DHRSX: variants seen among roughly 807,000 people sequenced by gnomAD.
DHRSX encodes polyprenol dehydrogenase.
Under a neutral mutation model 34.0 loss-of-function variants are expected in DHRSX, and 31 were observed. The ratio of observed to expected loss-of-function variants is 0.91; its 90% CI spans 0.69 to 1.23. The LOEUF (loss-of-function observed/expected upper bound fraction) is 1.23, where lower values mean the gene tolerates loss of function less well. Ranked by LOEUF, DHRSX falls within the 50% of genes most tolerant of loss-of-function variation. The pLI, the probability that DHRSX is intolerant of heterozygous loss-of-function variation, is 0.00. For missense variants in DHRSX, 414 were observed against 428.1 expected (o/e 0.97, Z 0.29); for synonymous variants, 201 against 183.8 (o/e 1.09, Z -0.76).
At chrX:2,325,247 C>A (rs1350755742) in intron 3 of DHRSX, among the ~76,000 whole-genome samples, 1 of 147,962 alleles carries the variant, frequency 6.8e-6, no homozygotes, top group Non-Finnish European at 1.5e-5. Flanking sequence ...GAGGAACTAA[C>A]GACTAGACAC....
chrX:2,339,922 T>C (rs1184232899), intron 3 of DHRSX, among the ~76,000 whole-genome samples: 1 of 152,160 alleles, frequency 6.6e-6, no homozygotes, highest in Non-Finnish European at 1.5e-5. Context: ...TTTCTGGTTC[T>C]AGATCCTTGA....
rs776284159 is a variant in DHRSX, at chrX:2,268,277, T to C, written c.389-1330A>G. Among the ~76,000 whole-genome samples, 3 of 152,340 alleles carry C rather than the reference T, an allele frequency of 2.0e-5. No homozygotes were observed. In the East Asian group the frequency reaches 5.8e-4, roughly 29 times the overall value. ...GAAACACGCACGAACCATACTGCCTTGTACTTAGAGCAGACCAGTTTGCTT... is the reference window on the plus strand; with the variant it reads ...GAAACACGCACGAACCATACTGCCTCGTACTTAGAGCAGACCAGTTTGCTT... On this transcript the variant is annotated intron_variant, in intron 4 of 6. Transcript: ENST00000334651.
chrX:2,314,004 T>G (rs1226820295), intron 3 of DHRSX, among the ~76,000 whole-genome samples: 1 of 151,672 alleles, frequency 6.6e-6, no homozygotes, highest in Admixed American at 6.6e-5. Flanking sequence ...AATGTCCAGG[T>G]GGAGATAAAG....
At chrX:2,359,850 CA>C (rs1312041533) in intron 3 of DHRSX, among the ~76,000 whole-genome samples, 1 of 152,026 alleles carries the variant, frequency 6.6e-6, no homozygotes, top group Non-Finnish European at 1.5e-5. Flanking sequence ...TACATGTTCT[CA>C]CTTATAAGTG....
At chrX:2,288,974 G>A (rs1467054078) in intron 4 of DHRSX, among the ~76,000 whole-genome samples, 1 of 152,220 alleles carries the variant, frequency 6.6e-6, no homozygotes, top group African/African-American at 2.4e-5. Context: ...GAGTGATGGA[G>A]TATACGCTGG....
At chrX:2,345,374 G>C (rs2042692286) in intron 3 of DHRSX, among the ~76,000 whole-genome samples, 1 of 150,982 alleles carries the variant, frequency 6.6e-6, no homozygotes, top group African/African-American at 2.5e-5. Flanking sequence ...TGGGTGCAGT[G>C]GCTCACACCT....
At chrX:2,489,292 GT>G in intron 1 of DHRSX, 1 of 1,613,932 alleles carries the variant, frequency 6.2e-7, no homozygotes, top group Non-Finnish European at 8.5e-7. Context: ...TGTAGCGGGG[GT>G]CCAGGAAGGT....
intron 1 of DHRSX, among the ~76,000 whole-genome samples, chrX:2,461,994 A>G (rs1344524799): frequency 6.6e-6 from 1 of 152,168 alleles, no homozygotes; most frequent in African/African-American, 2.4e-5. Context: ...CTGGCCATGC[A>G]GCTGTTTTAA....
Position 2,485,387 on chromosome X carries a change from C to T in DHRSX, c.109+15430G>A, listed in dbSNP as rs1480840362. Among the ~76,000 whole-genome samples, 8 of 151,622 alleles carry T rather than the reference C, an allele frequency of 5.3e-5. No homozygotes were observed. The East Asian group carries it at 1.6e-3, about 30-fold the overall frequency. On this transcript the variant is annotated intron_variant, in intron 1 of 6. Coordinates refer to ENST00000334651, the MANE Select transcript of DHRSX (RefSeq NM_145177.3). ...TGATGCCCAAGGACAGGCAGTCAAC[C>T]AACAGCACTTGGAAAGGGCAAGTCT...
At chrX:2,447,226 A>C (rs1229023362) in intron 1 of DHRSX, among the ~76,000 whole-genome samples, 2 of 151,370 alleles carry the variant, frequency 1.3e-5, no homozygotes, top group East Asian at 3.9e-4. Context: ...ATTCCCTAAG[A>C]ATGTGGCCAA....
At position 2,284,365 on chromosome X, in the gene DHRSX, C is replaced by A. The variant is rs763168815; in HGVS notation, c.388+7137G>T. On this transcript the variant is annotated intron_variant, in intron 4 of 6. Transcript: ENST00000334651. ...ATTCATTTGAATTCTTTCATTCATT[C>A]ATTCACTCATTTGAATTCATTCAAG... 1.5e-3 allele frequency among the ~76,000 whole-genome samples: 229 copies of A among 151,896 alleles called. 4 individuals are homozygous for A. In the East Asian group the frequency reaches 0.035, roughly 23 times the overall value.
intron 2 of DHRSX, among the ~76,000 whole-genome samples, chrX:2,411,752 C>CA (rs112913508): frequency 0.5 from 75,433 of 149,644 alleles, 19,392 homozygotes; most frequent in East Asian, 0.81. Context: ...CAAAACAAAA[C>CA]AAAAAAAAAC....
In DHRSX at chrX:2,420,332, C is replaced by T. The variant is rs747342696; in HGVS notation, c.217+4865G>A. On this transcript the variant is annotated intron_variant, in intron 2 of 6. Transcript: ENST00000334651. ...CTGAGGCAGGAGAATCGCTTCAACCCGGGAGGCAGAGTTTGCGGTGAGCTG... is the reference window on the plus strand; with the variant it reads ...CTGAGGCAGGAGAATCGCTTCAACCTGGGAGGCAGAGTTTGCGGTGAGCTG... Among the ~76,000 whole-genome samples the T allele has an allele frequency of 1.5e-4, 23 of 151,788 alleles. No homozygotes were observed. In the South Asian group the frequency reaches 4.0e-3, roughly 26 times the overall value.
intron 3 of DHRSX, among the ~76,000 whole-genome samples, chrX:2,408,338 T>G (rs2043584725): frequency 6.6e-6 from 1 of 152,006 alleles, no homozygotes; most frequent in South Asian, 2.1e-4. Context: ...CCTCCCAAAG[T>G]GCTGGGATTA....
chrX:2,290,217 G>A (rs1435410881), intron 4 of DHRSX, among the ~76,000 whole-genome samples: 1 of 152,182 alleles, frequency 6.6e-6, no homozygotes, highest in Non-Finnish European at 1.5e-5. Context: ...AGGGGGAACC[G>A]TGGGTATCTC....
chrX:2,398,986 G>C (rs1288072740), intron 3 of DHRSX, among the ~76,000 whole-genome samples: 1 of 152,110 alleles, frequency 6.6e-6, no homozygotes, highest in Non-Finnish European at 1.5e-5. Context: ...CCGAGTAGCT[G>C]GGACTACAGG....
chrX:2,224,849 TGCAC>T (rs1357850923), intron 6 of DHRSX, among the ~76,000 whole-genome samples: 1 of 151,088 alleles, frequency 6.6e-6, no homozygotes, highest in African/African-American at 2.5e-5. Flanking sequence ...CTCATTCACA[TGCAC>T]ACAAATTCGC....
chrX:2,346,227 G>A (rs541366434), intron 3 of DHRSX, among the ~76,000 whole-genome samples: 5 of 127,010 alleles, frequency 3.9e-5, no homozygotes, highest in African/African-American at 1.1e-4. Context: ...ATCTGGACAC[G>A]CAGCTACAGA....
chrX:2,384,616 A>AT (rs2043248360), intron 3 of DHRSX, among the ~76,000 whole-genome samples: 1 of 152,166 alleles, frequency 6.6e-6, no homozygotes, highest in African/African-American at 2.4e-5. Flanking sequence ...GCTCACTCAG[A>AT]TAAGTGGATG....
Sources: gnomAD v4.1 joint callset for allele counts (sites outside exome capture counted in the v4.1 genomes callset) on GRCh38, gnomAD v4.1.1 for gene constraint, MANE v1.5 for transcripts, NCBI Gene and HGNC (gene_info 2026-07-23, HGNC 2026-07-21) for gene names.